SHANK2: variants seen among roughly 807,000 people sequenced by gnomAD.
SHANK2 encodes the protein SH3 and multiple ankyrin repeat domains protein 2.
SHANK2 carries 43 observed loss-of-function variants against 133.7 expected under a neutral mutation model. The observed-to-expected ratio is 0.32, with a 90% CI of 0.25 to 0.41. SHANK2 has a LOEUF of 0.41. SHANK2 is among the 10% of genes least tolerant of loss of function. The probability of loss-of-function intolerance (pLI) is 1.00; values close to 1 mark genes in which losing one functional copy is unlikely to be tolerated. For missense variants in SHANK2, 1,994 were observed against 2,235.8 expected, an observed-to-expected ratio of 0.89 and a Z score of 2.18; for synonymous variants, 1,017 against 952.8, an observed-to-expected ratio of 1.07 and a Z score of -1.24.
intron 9 of SHANK2, among the ~76,000 whole-genome samples, chr11:71,065,870 T>G (rs1353860850): frequency 1.6e-3 from 22 of 14,032 alleles, no homozygotes; most frequent in South Asian, 5.7e-3. Flanking sequence ...GAGCGGTGAG[T>G]GGGGAAGTTG....
chr11:70,873,112 G>A lies in SHANK2; in HGVS notation c.1174+23389C>T, dbSNP rs1280896662. 3 of 471,156 alleles carry A rather than the reference G, an allele frequency of 6.4e-6. No individual in the cohort carries two copies. In the Admixed American group the frequency reaches 7.0e-5, roughly 11 times the overall value. 29.2% of individuals were successfully genotyped at this position (471,156 alleles called of 1,614,324 possible). The stretch of plus-strand genomic sequence containing the variant: ...TGAAACCTGCAGCTTGGGCCCTGCA[G>A]TTTATAGAATGATATGTTTGTGGTT... On this transcript the variant is annotated intron_variant, in intron 11 of 25. Transcript: ENST00000601538.
chr11:71,160,326 T>G (rs1327296485), intron 2 of SHANK2, among the ~76,000 whole-genome samples: 1 of 152,136 alleles, frequency 6.6e-6, no homozygotes, highest in Admixed American at 6.5e-5. Flanking sequence ...AAAATTCATA[T>G]GCTAAGGCCC....
chr11:71,224,866 T>A (rs941995799), intron 1 of SHANK2, 70 bp from the exon 2 acceptor site: 1 of 152,224 alleles, frequency 6.6e-6, no homozygotes, highest in Non-Finnish European at 1.5e-5. Flanking sequence ...TAAAACTTCA[T>A]GTAGATTCTG....
At chr11:70,631,375 T>TACACACACACACACAC (rs56370058) in intron 17 of SHANK2, 5 of 143,390 alleles carry the variant, frequency 3.5e-5, no homozygotes, top group Non-Finnish European at 6.1e-5. Context: ...TTCCCGGAGT[T>TACACACACACACACAC]ACACACACAC....
At chr11:71,208,146 G>T (rs1555118296) in intron 2 of SHANK2, among the ~76,000 whole-genome samples, 1 of 152,174 alleles carries the variant, frequency 6.6e-6, no homozygotes, top group Non-Finnish European at 1.5e-5. Flanking sequence ...GGCACAGAAA[G>T]CCATGCAGTG....
At chr11:70,688,388 G>C (rs552204076) in intron 15 of SHANK2, among the ~76,000 whole-genome samples, 1 of 152,170 alleles carries the variant, frequency 6.6e-6, no homozygotes, top group Non-Finnish European at 1.5e-5. Flanking sequence ...GTTGGCCGTG[G>C]CCAGGTCGGA....
chr11:70,614,021 T>C (rs1288923767), intron 17 of SHANK2, among the ~76,000 whole-genome samples: 1 of 152,048 alleles, frequency 6.6e-6, no homozygotes, highest in Non-Finnish European at 1.5e-5. Flanking sequence ...CACTTCTGCC[T>C]CCCAAAGTGC....
chr11:70,618,885 C>G (rs1289904102), intron 17 of SHANK2, among the ~76,000 whole-genome samples: 1 of 152,234 alleles, frequency 6.6e-6, no homozygotes, highest in East Asian at 1.9e-4. Flanking sequence ...TCCAGCAACC[C>G]TGAGAGGCGT....
At chr11:70,568,646 G>GCCCCCCCCCCCCCCCCCCCCCC (rs66982078) in intron 17 of SHANK2, among the ~76,000 whole-genome samples, 9 of 79,966 alleles carry the variant, frequency 1.1e-4, no homozygotes, top group East Asian at 3.2e-4. Flanking sequence ...GCGGATTCCT[G>GCCCCCCCCCCCCCCCCCCCCCC]CCCCCCCCGC....
intron 14 of SHANK2, among the ~76,000 whole-genome samples, chr11:70,727,375 C>A (rs559794360): frequency 4.6e-5 from 7 of 152,234 alleles, no homozygotes; most frequent in Non-Finnish European, 1.0e-4. Context: ...TCTCCAGAGA[C>A]AGCAGAATTC....
chr11:71,236,961 G>A lies in SHANK2; in HGVS notation c.-112-12165C>T, dbSNP rs74804410. Among the ~76,000 whole-genome samples the A allele has an allele frequency of 6.1e-3, 932 of 152,358 alleles. 17 individuals carry two copies. The East Asian group carries it at 0.069, about 11-fold the overall frequency. ...CAGCGGCCGGGAGGGACTTGGCGCA[G>A]GTGGGACTGCGCTGCGGGCCTGGGA... On this transcript the variant is annotated intron_variant, in intron 1 of 25. Coordinates refer to ENST00000601538, the MANE Select transcript of SHANK2 (RefSeq NM_012309.5).
intron 10 of SHANK2, among the ~76,000 whole-genome samples, chr11:70,919,034 C>T (rs782161926): frequency 1.1e-4 from 16 of 151,998 alleles, no homozygotes; most frequent in African/African-American, 2.4e-4. Context: ...TGTGGTGGTA[C>T]GCACCTGTGG....
intron 14 of SHANK2, among the ~76,000 whole-genome samples, chr11:70,744,581 G>A (rs1397791255): frequency 6.6e-6 from 1 of 152,208 alleles, no homozygotes; most frequent in Non-Finnish European, 1.5e-5. Flanking sequence ...GCAGCCCACA[G>A]CAGCTCCAGT....
At chr11:70,829,018 C>G (rs562304699) in intron 11 of SHANK2, among the ~76,000 whole-genome samples, 1 of 152,320 alleles carries the variant, frequency 6.6e-6, no homozygotes, top group East Asian at 1.9e-4. Context: ...GCCAGGATGG[C>G]CCTTGGCCTG....
chr11:71,201,504 A>C (rs1053728516), intron 2 of SHANK2, among the ~76,000 whole-genome samples: 3 of 152,240 alleles, frequency 2.0e-5, no homozygotes, highest in Non-Finnish European at 4.4e-5. Flanking sequence ...ACTTGGCCAC[A>C]GACGGCGGTC....
intron 17 of SHANK2, among the ~76,000 whole-genome samples, chr11:70,597,149 C>T (rs1409806476): frequency 1.3e-5 from 2 of 152,124 alleles, no homozygotes; most frequent in Non-Finnish European, 2.9e-5. Context: ...AGGTTTCGCA[C>T]AAAATGGGCA....
chr11:70,577,869 G>A (rs931099464), intron 17 of SHANK2, among the ~76,000 whole-genome samples: 3 of 152,220 alleles, frequency 2.0e-5, no homozygotes, highest in Non-Finnish European at 4.4e-5. Flanking sequence ...ATTAGGGTGG[G>A]CCCTGACCTA....
At chr11:70,764,533 C>A (rs1433947924) in intron 14 of SHANK2, among the ~76,000 whole-genome samples, 2 of 149,250 alleles carry the variant, frequency 1.3e-5, no homozygotes, top group Non-Finnish European at 1.5e-5. Context: ...ATTCACCCAC[C>A]CATCCACCCA....
In SHANK2 at chr11:70,473,229, G is replaced by C; in HGVS notation, c.5190C>G (p.Thr1730=). 1.2e-6 allele frequency: 2 copies of C among 1,610,460 alleles called. No individual in the cohort carries two copies. The highest frequency in any genetic ancestry group is 1.7e-6 in the Non-Finnish European group (2 of 1,176,960). Residue 1730 remains threonine (T), a synonymous_variant, in exon 26 of 26, where the codon ACC becomes ACG. Transcript: ENST00000601538. The surrounding 1 kb of genome is among the most constrained non-coding windows in gnomAD (Gnocchi z 5.9). ...CTGAGAGAGCGGGAGAAGGAGAGGC[G>C]GTGGCAGCAGACAGGGGGGCGGGCA... ...ETLPAPLSAA[T]ASPSPALSDV...
Sources: gnomAD v4.1 joint callset for allele counts (sites outside exome capture counted in the v4.1 genomes callset) on GRCh38, gnomAD v4.1.1 for gene constraint, Gnocchi (gnomAD v3.1) non-coding constraint, MANE v1.5 for transcripts, NCBI Gene and HGNC (gene_info 2026-07-23, HGNC 2026-07-21) for gene names.